Variants in SIPA1L2 observed in about 807,000 individuals in gnomAD.
SIPA1L2 encodes the protein signal induced proliferation associated 1 like 2.
SIPA1L2 carries 56 observed loss-of-function variants against 163.9 expected under a neutral mutation model. The ratio of observed to expected loss-of-function variants is 0.34; its 90% confidence interval spans 0.28 to 0.43. The LOEUF (loss-of-function observed/expected upper bound fraction) is 0.43, where lower values mean the gene tolerates loss of function less well. Among genes scored for constraint, SIPA1L2 ranks in the 20% least tolerant of loss-of-function variants. The pLI is 1.00. For synonymous variants in SIPA1L2, 877 were observed against 865.7 expected (o/e 1.01, Z -0.23); for missense variants, 1,974 against 2,193.5 (o/e 0.90, Z 2.00).
Position 232,473,059 on chromosome 1 carries a change from T to C in SIPA1L2, c.2086-1531A>G, listed in dbSNP as rs147669618. Among the ~76,000 whole-genome samples, 777 of 152,344 alleles carry C rather than the reference T, an allele frequency of 5.1e-3. 4 individuals carry two copies. Among genetic ancestry groups the C allele is most frequent in the Non-Finnish European group, 8.5e-3 (580 of 68,024 alleles). ...TTAGTACATCATAATACAGACCCAATGAGCCACCTCATTTAAATATGTAGT... is the reference window on the plus strand; with the variant it reads ...TTAGTACATCATAATACAGACCCAACGAGCCACCTCATTTAAATATGTAGT... On this transcript the variant is annotated intron_variant, in intron 7 of 22. Transcript: ENST00000674635.
At chr1:232,538,927 T>C (rs1247855160) in intron 2 of SIPA1L2, among the ~76,000 whole-genome samples, 1 of 152,222 alleles carries the variant, frequency 6.6e-6, no homozygotes, top group Non-Finnish European at 1.5e-5. Flanking sequence ...TCTATTTTTG[T>C]TACCTATTCA....
intron 7 of SIPA1L2, among the ~76,000 whole-genome samples, chr1:232,477,749 G>A (rs1310379749): frequency 6.6e-6 from 1 of 152,124 alleles, no homozygotes; most frequent in African/African-American, 2.4e-5. Context: ...TACAGATTTT[G>A]ATTACGCTTC....
chr1:232,399,363 T>G, intron 22 of SIPA1L2, 90 bp from the exon 23 acceptor site: 2 of 1,418,694 alleles, frequency 1.4e-6, no homozygotes, highest in Non-Finnish European at 1.9e-6. Context: ...TGATTCTTAT[T>G]TTTACTTATG....
intron 3 of SIPA1L2, among the ~76,000 whole-genome samples, chr1:232,500,498 C>A (rs1300861606): frequency 1.3e-5 from 2 of 152,122 alleles, no homozygotes; most frequent in Non-Finnish European, 2.9e-5. Flanking sequence ...GTGGCTCCAA[C>A]CCTCGTGGAT....
intron 1 of SIPA1L2, among the ~76,000 whole-genome samples, chr1:232,607,466 C>A (rs1661986330): frequency 1.3e-5 from 2 of 152,046 alleles, no homozygotes; most frequent in African/African-American, 4.8e-5. Flanking sequence ...ATACATAAAT[C>A]TTTTAGACCA....
At chr1:232,493,105 A>G (rs1201123274) in intron 4 of SIPA1L2, among the ~76,000 whole-genome samples, 8 of 152,064 alleles carry the variant, frequency 5.3e-5, no homozygotes, top group African/African-American at 1.9e-4. Flanking sequence ...TGATGGTTTA[A>G]AAGTGTGTGG....
chr1:232,456,971 C>G (rs2102906382), intron 10 of SIPA1L2, among the ~76,000 whole-genome samples: 1 of 152,296 alleles, frequency 6.6e-6, no homozygotes, highest in South Asian at 2.1e-4. Flanking sequence ...TCTCCCTGCT[C>G]AGTGTTCCCT....
chr1:232,515,411 C>T lies in SIPA1L2; in HGVS notation c.-72G>A, dbSNP rs1237052172. The T allele has an allele frequency of 2.5e-5, 36 of 1,438,074 alleles. No homozygotes were observed. The Admixed American group carries it at 3.9e-4, about 15-fold the overall frequency. The allele number at this position is 1,438,074 out of a possible 1,614,324, so 89.1% of individuals were successfully genotyped here. A position where few individuals can be genotyped will look rare whatever the true frequency, so the allele number is the denominator to read the frequency against. ...AATCTAATTACATTGCTACCGACCA[C>T]GCCATAATACTTGCAGATATAAAGG... On this transcript the variant is annotated 5_prime_UTR_variant, in exon 3 of 23. It adds an upstream start codon to the 5' untranslated region. Coordinates refer to ENST00000674635, the MANE Select transcript of SIPA1L2 (RefSeq NM_020808.5).
intron 19 of SIPA1L2, among the ~76,000 whole-genome samples, chr1:232,409,798 C>A (rs1376686663): frequency 6.6e-6 from 1 of 152,136 alleles, no homozygotes; most frequent in African/African-American, 2.4e-5. Flanking sequence ...GCAGAAGAAC[C>A]ACCCAGCTGA....
chr1:232,609,042 C>T (rs1431975922), intron 1 of SIPA1L2, among the ~76,000 whole-genome samples: 2 of 151,702 alleles, frequency 1.3e-5, no homozygotes, highest in African/African-American at 4.8e-5. Context: ...TTGTTTTCCA[C>T]AATTTAATTT....
intron 2 of SIPA1L2, among the ~76,000 whole-genome samples, chr1:232,530,113 C>T (rs889803486): frequency 2.6e-5 from 4 of 151,832 alleles, no homozygotes; most frequent in African/African-American, 9.7e-5. Context: ...GGAAGCCTCA[C>T]CATTTATTCT....
intron 1 of SIPA1L2, among the ~76,000 whole-genome samples, chr1:232,625,513 T>A (rs138887797): frequency 6.6e-6 from 1 of 152,330 alleles, no homozygotes; most frequent in Non-Finnish European, 1.5e-5. Context: ...CAGCATGTGA[T>A]TAACGGCTCG....
rs549997228 is a variant in SIPA1L2, at chr1:232,447,870, A to G, written c.3096-2084T>C. On this transcript the variant is annotated intron_variant, in intron 10 of 22. Transcript: ENST00000674635. ...CAGATTAAAAATACTTCATTTATAT[A>G]AGCTGAACAGATATTTTAAACTATA... Among the ~76,000 whole-genome samples, 34 of 152,356 alleles carry G rather than the reference A, an allele frequency of 2.2e-4. No individual in the cohort carries two copies. In the South Asian group the frequency reaches 2.3e-3, roughly 10 times the overall value.
At chr1:232,450,597 TG>T (rs1663514872) in intron 10 of SIPA1L2, among the ~76,000 whole-genome samples, 1 of 152,228 alleles carries the variant, frequency 6.6e-6, no homozygotes. Flanking sequence ...TTACAGATCC[TG>T]GAGTTATATG....
At chr1:232,621,544 T>G (rs769127687) in intron 1 of SIPA1L2, among the ~76,000 whole-genome samples, 12 of 152,146 alleles carry the variant, frequency 7.9e-5, no homozygotes, top group Non-Finnish European at 1.6e-4. Flanking sequence ...AAACCTTAGT[T>G]TTTGTATCTG....
At chr1:232,605,504 G>A (rs1420980476) in intron 1 of SIPA1L2, among the ~76,000 whole-genome samples, 2 of 152,188 alleles carry the variant, frequency 1.3e-5, no homozygotes, top group Non-Finnish European at 2.9e-5. Context: ...ACACAAGCCT[G>A]GCCAACACGG....
At chr1:232,437,117 C>T (rs747883805) in intron 15 of SIPA1L2, among the ~76,000 whole-genome samples, 18 of 152,114 alleles carry the variant, frequency 1.2e-4, no homozygotes, top group African/African-American at 2.2e-4. Flanking sequence ...TTACAAATAC[C>T]GGTAAAAAGC....
chr1:232,439,034 G>T, intron 15 of SIPA1L2, 74 bp downstream of exon 15: 2 of 1,475,102 alleles, frequency 1.4e-6, no homozygotes, highest in Non-Finnish European at 1.8e-6. Flanking sequence ...TACAGTTCAG[G>T]CTTCTGCCCT....
chr1:232,407,933 T>C (rs1246484876), intron 19 of SIPA1L2, among the ~76,000 whole-genome samples: 1 of 152,174 alleles, frequency 6.6e-6, no homozygotes, highest in Non-Finnish European at 1.5e-5. Context: ...GTTTGACCCA[T>C]AGCCAGGTTT....
Sources: allele counts gnomAD v4.1 joint callset (sites outside exome capture counted in the v4.1 genomes callset), GRCh38; gene constraint gnomAD v4.1.1; transcripts MANE v1.5; gene names NCBI Gene and HGNC (gene_info 2026-07-23, HGNC 2026-07-21).